OTUD7A: variants seen among roughly 807,000 people sequenced by gnomAD.
OTUD7A encodes the protein OTU domain-containing protein 7A.
A neutral mutation model predicts 65.7 loss-of-function variants in OTUD7A; 12 were observed. That is an observed-to-expected ratio of 0.18 (90% CI 0.12 to 0.30). OTUD7A has a LOEUF of 0.30. Among genes scored for constraint, OTUD7A ranks in the 10% least tolerant of loss-of-function variants. The pLI is 1.00. For missense variants in OTUD7A, 1,148 were observed against 1,304.8 expected (o/e 0.88, Z 1.85); for synonymous variants, 641 against 586.3 (o/e 1.09, Z -1.35).
intron 1 of OTUD7A, among the ~76,000 whole-genome samples, chr15:31,669,291 G>A (rs573373257): frequency 3.3e-5 from 5 of 152,136 alleles, no homozygotes; most frequent in South Asian, 2.1e-4. Context: ...GTTGGGTGTC[G>A]TAGTTCAGAC....
intron 1 of OTUD7A, among the ~76,000 whole-genome samples, chr15:31,723,077 C>G (rs1186937381): frequency 1.3e-5 from 2 of 152,076 alleles, no homozygotes; most frequent in Admixed American, 6.6e-5. Flanking sequence ...GGGCAGAAGT[C>G]AGGAGAGTGG....
intron 1 of OTUD7A, among the ~76,000 whole-genome samples, chr15:31,838,209 A>G (rs1259038870): frequency 6.6e-6 from 1 of 152,254 alleles, no homozygotes; most frequent in Non-Finnish European, 1.5e-5. Flanking sequence ...CTAGCACTAC[A>G]TGAAAAGGTC....
chr15:31,677,335 A>T (rs1892616607), intron 1 of OTUD7A, among the ~76,000 whole-genome samples: 2 of 152,054 alleles, frequency 1.3e-5, no homozygotes, highest in South Asian at 2.1e-4. Flanking sequence ...ATTTGTGGGG[A>T]TGTTCATTTT....
At chr15:31,812,388 G>A (rs1228188345) in intron 1 of OTUD7A, among the ~76,000 whole-genome samples, 2 of 152,178 alleles carry the variant, frequency 1.3e-5, no homozygotes, top group Non-Finnish European at 2.9e-5. Context: ...TAATTTGAAT[G>A]TGAAAAGGAC....
At chr15:31,614,238 A>G (rs1890518286) in intron 3 of OTUD7A, among the ~76,000 whole-genome samples, 1 of 152,138 alleles carries the variant, frequency 6.6e-6, no homozygotes, top group Admixed American at 6.5e-5. Flanking sequence ...AATCTCACAG[A>G]TCACCACTAA....
intron 1 of OTUD7A, among the ~76,000 whole-genome samples, chr15:31,738,525 G>A (rs1024085825): frequency 2.6e-5 from 4 of 152,174 alleles, no homozygotes; most frequent in African/African-American, 9.7e-5. Flanking sequence ...GAGGCATTCT[G>A]ATAGAGCATG....
At chr15:31,520,440 T>C (rs1292478699) in intron 8 of OTUD7A, among the ~76,000 whole-genome samples, 1 of 152,202 alleles carries the variant, frequency 6.6e-6, no homozygotes, top group Non-Finnish European at 1.5e-5. Flanking sequence ...GAAAATTGCA[T>C]AGCGATATGC....
chr15:31,788,980 G>A (rs1406460262), intron 1 of OTUD7A, among the ~76,000 whole-genome samples: 1 of 152,116 alleles, frequency 6.6e-6, no homozygotes, highest in African/African-American at 2.4e-5. Context: ...CCAAACCCTA[G>A]ATTCCATTCT....
chr15:31,592,909 A>G lies in OTUD7A; in HGVS notation c.152-22712T>C, dbSNP rs1402311676. On this transcript the variant is annotated intron_variant, in intron 3 of 12. Coordinates refer to ENST00000307050, the MANE Select transcript of OTUD7A (RefSeq NM_001382637.1). ...AAAAAAAAAAAAAAAAAAAAAATATATATATATATATATATATATATATAT... is the reference window on the plus strand; with the variant it reads ...AAAAAAAAAAAAAAAAAAAAAATATGTATATATATATATATATATATATAT... 5.4e-3 allele frequency among the ~76,000 whole-genome samples: 273 copies of G among 50,364 alleles called. 2 individuals carry two copies. Among genetic ancestry groups the G allele is most frequent in the Middle Eastern group, 0.025 (1 of 40 alleles). 33.0% of individuals were successfully genotyped at this position (50,364 alleles called of 152,430 possible).
At chr15:31,618,495 G>A (rs77588906) in intron 3 of OTUD7A, among the ~76,000 whole-genome samples, 7,632 of 151,934 alleles carry the variant, frequency 0.05, 378 homozygotes, top group African/African-American at 0.13. Flanking sequence ...ATGGTATCTC[G>A]TTGTGGTTTT....
At chr15:31,802,103 ATGTGTGTGTGTGTG>A (rs1255794707) in intron 1 of OTUD7A, among the ~76,000 whole-genome samples, 1 of 35,492 alleles carries the variant, frequency 2.8e-5, no homozygotes, top group African/African-American at 5.5e-5. Flanking sequence ...GTGTGTATAT[ATGTGTGTGTGTGTG>A]TGTGTGTGTG....
chr15:31,643,467 C>T (rs1052190497), intron 3 of OTUD7A, among the ~76,000 whole-genome samples: 2 of 152,196 alleles, frequency 1.3e-5, no homozygotes, highest in African/African-American at 4.8e-5. Context: ...GGAAGTTCAA[C>T]TCAGGCTTTA....
intron 3 of OTUD7A, among the ~76,000 whole-genome samples, chr15:31,602,650 G>C (rs573675091): frequency 6.6e-6 from 1 of 152,190 alleles, no homozygotes; most frequent in Non-Finnish European, 1.5e-5. Context: ...AATAGGAAAA[G>C]AGGAAGTCAA....
intron 1 of OTUD7A, among the ~76,000 whole-genome samples, chr15:31,857,644 G>A (rs999469823): frequency 4.9e-4 from 75 of 152,308 alleles, no homozygotes; most frequent in African/African-American, 1.7e-3. Context: ...GACATAAACA[G>A]CACATGCTCC....
chr15:31,522,438 C>T (rs965322876), intron 8 of OTUD7A, among the ~76,000 whole-genome samples: 9 of 152,210 alleles, frequency 5.9e-5, no homozygotes, highest in Non-Finnish European at 1.3e-4. Context: ...CCTGGGTCTC[C>T]AGCTGGCACA....
intron 1 of OTUD7A, among the ~76,000 whole-genome samples, chr15:31,753,705 T>TATAATATATAACCTGTG (rs1567004902): frequency 6.4e-5 from 5 of 78,428 alleles, no homozygotes; most frequent in African/African-American, 4.8e-4. Flanking sequence ...ATATATATTA[T>TATAATATATAACCTGTG]ATATATATAT....
At chr15:31,728,441 C>G (rs1893953738) in intron 1 of OTUD7A, among the ~76,000 whole-genome samples, 1 of 152,212 alleles carries the variant, frequency 6.6e-6, no homozygotes, top group African/African-American at 2.4e-5. Flanking sequence ...TCATACTTTT[C>G]CTTCACCTTA....
Position 31,766,742 on chromosome 15 carries a change from C to T in OTUD7A, c.-100+103765G>A, listed in dbSNP as rs552707133. 93 of 1,611,596 alleles carry T rather than the reference C, an allele frequency of 5.8e-5. No individual in the cohort carries two copies. The South Asian group carries it at 1.0e-3, about 17-fold the overall frequency. ...AAAGTAGAGGTTCTCTTAAAACCAGCACTGAATGGCTTTTGAATATTTTCC... is the reference window on the plus strand; with the variant it reads ...AAAGTAGAGGTTCTCTTAAAACCAGTACTGAATGGCTTTTGAATATTTTCC... On this transcript the variant is annotated intron_variant, in intron 1 of 12. Coordinates refer to ENST00000307050, the MANE Select transcript of OTUD7A (RefSeq NM_001382637.1).
chr15:31,847,977 T>C lies in OTUD7A; in HGVS notation c.-100+22530A>G, dbSNP rs1037732043. ...GCAAGAGGGAAGTCTACCCCCATGA[T>C]CCAGTCACCTCCCAGCAGCCCACAC... On this transcript the variant is annotated intron_variant, in intron 1 of 12. Coordinates refer to ENST00000307050, the MANE Select transcript of OTUD7A (RefSeq NM_001382637.1). Among the ~76,000 whole-genome samples the C allele has an allele frequency of 2.6e-5, 4 of 152,136 alleles. No individual in the cohort carries two copies. In the South Asian group the frequency reaches 8.3e-4, roughly 32 times the overall value.
Sources: allele counts gnomAD v4.1 joint callset (sites outside exome capture counted in the v4.1 genomes callset), GRCh38; gene constraint gnomAD v4.1.1; transcripts MANE v1.5; gene names NCBI Gene and HGNC (gene_info 2026-07-23, HGNC 2026-07-21).